Variants in ODAD4 observed in about 807,000 individuals in gnomAD.
The protein encoded by ODAD4 is outer dynein arm-docking complex subunit 4.
Under a neutral mutation model 51.8 loss-of-function variants are expected in ODAD4, and 49 were observed. The observed-to-expected ratio is 0.95, with a 90% confidence interval of 0.75 to 1.20. The LOEUF is 1.20. Ranked by LOEUF, ODAD4 falls within the 50% of genes most tolerant of loss-of-function variation. The pLI, the probability that ODAD4 is intolerant of heterozygous loss-of-function variation, is 0.00. For synonymous variants in ODAD4, 235 were observed against 221.3 expected, an observed-to-expected ratio of 1.06 and a Z score of -0.55; for missense variants, 590 against 586.5, an observed-to-expected ratio of 1.01 and a Z score of -0.06.
chr17:41,930,797 T>G lies in ODAD4; in HGVS notation c.74T>G (p.Leu25Arg). ...SYMAEGERLY[L>R]CGEFSKAAQS... Reference sequence around the variant, plus strand: ...ATGGCCGAAGGCGAGCGGCTCTACCTGTGCGGGGAATTTTCTAAAGCCGCG... The same window carrying G: ...ATGGCCGAAGGCGAGCGGCTCTACCGGTGCGGGGAATTTTCTAAAGCCGCG... Residue 25 changes from leucine to arginine, a missense_variant, in exon 1 of 12, where the codon CTG becomes CGG. Physicochemically the swap from Leu to Arg is moderately radical, Grantham distance 102. Coordinates refer to ENST00000377540, the MANE Select transcript of ODAD4 (RefSeq NM_031421.5). 1 of 1,588,366 alleles carries G rather than the reference T, an allele frequency of 6.3e-7. No homozygotes were observed. Among genetic ancestry groups the G allele is most frequent in the Non-Finnish European group, 8.6e-7 (1 of 1,165,076 alleles).
intron 1 of ODAD4, among the ~76,000 whole-genome samples, chr17:41,931,939 G>GTTGT (rs2144482833): frequency 6.6e-6 from 1 of 151,606 alleles, no homozygotes; most frequent in East Asian, 2.0e-4. Flanking sequence ...TGTTGTTGTT[G>GTTGT]TTTTGGAGAC....
chr17:41,932,172 C>A lies in ODAD4; in HGVS notation c.114+1335C>A, dbSNP rs549827718. Among the ~76,000 whole-genome samples, 9 of 152,086 alleles carry A rather than the reference C, an allele frequency of 5.9e-5. No homozygotes were observed. The East Asian group carries it at 1.2e-3, about 20-fold the overall frequency. On this transcript the variant is annotated intron_variant, in intron 1 of 11. Transcript: ENST00000377540. Reference sequence around the variant, plus strand: ...CCAACCTCCACCTCCCAGGTTCAAGCGATTCTCCTGCCTCAGCCTCCCGAG... The same window carrying A: ...CCAACCTCCACCTCCCAGGTTCAAGAGATTCTCCTGCCTCAGCCTCCCGAG...
At chr17:41,937,299 A>G (rs1478900158) in intron 5 of ODAD4, among the ~76,000 whole-genome samples, 2 of 152,228 alleles carry the variant, frequency 1.3e-5, no homozygotes, top group African/African-American at 4.8e-5. Context: ...TCCAGCGGAT[A>G]TGTGCTTAAA....
At chr17:41,931,089 G>A (rs1326448916) in intron 1 of ODAD4, among the ~76,000 whole-genome samples, 3 of 151,834 alleles carry the variant, frequency 2.0e-5, no homozygotes, top group East Asian at 3.9e-4. Context: ...AGAGATGGGG[G>A]TTTCACTGTG....
At chr17:41,946,131 T>A (rs370159762) in intron 8 of ODAD4, among the ~76,000 whole-genome samples, 49 of 152,176 alleles carry the variant, frequency 3.2e-4, no homozygotes, top group Non-Finnish European at 6.0e-4. Context: ...CATGCATGCT[T>A]ATCTGAGGCT....
rs33985289 is a variant in ODAD4 at position 41,956,485 on chromosome 17, CT to C, written c.1443+1189del. Among the ~76,000 whole-genome samples the C allele has an allele frequency of 1.4e-3, 159 of 110,924 alleles. 1 individual carries two copies. Among genetic ancestry groups the C allele is most frequent in the African/African-American group, 4.3e-3 (130 of 30,028 alleles). The allele number at this position is 110,924 out of a possible 152,430, so 72.8% of individuals were successfully genotyped here. On this transcript the variant is annotated intron_variant, in intron 10 of 11. Coordinates refer to ENST00000377540, the MANE Select transcript of ODAD4 (RefSeq NM_031421.5). ...ACTGGTATGAGCCACCATGCCCGGCCTTTTTTTTTTTTTTTTTTTTTAAATA... is the reference window on the plus strand; with the variant it reads ...ACTGGTATGAGCCACCATGCCCGGCCTTTTTTTTTTTTTTTTTTTTAAATA...
rs1441519752 is a variant in ODAD4, at chr17:41,936,475, CCTT to C, written c.405_407del (p.Ser136del). 6.2e-7 allele frequency: 1 copy of C among 1,612,764 alleles called. No individual in the cohort carries two copies. The highest frequency in any genetic ancestry group is 8.5e-7 in the Non-Finnish European group (1 of 1,179,350). ...AGCTCCAGCTTCTTTCCTTGCAGGT[CCTT>C]CTTCCATTAAGCTGGAGAACAAAGG... is the stretch of plus-strand genomic sequence containing the variant. On this transcript the variant is annotated inframe_deletion, in exon 4 of 12. Transcript: ENST00000377540.
At position 41,936,495 on chromosome 17, in the gene ODAD4, G is replaced by A. The variant is rs2050429155; in HGVS notation, c.420G>A (p.Glu140=). 2.5e-6 allele frequency: 4 copies of A among 1,613,310 alleles called. No individual in the cohort carries two copies. Among genetic ancestry groups the A allele is most frequent in the Non-Finnish European group, 3.4e-6 (4 of 1,179,786 alleles). The change falls in exon 4 of 12, where the codon GAG becomes GAA. Residue 140 remains glutamate (E), a synonymous_variant. Coordinates refer to ENST00000377540, the MANE Select transcript of ODAD4 (RefSeq NM_031421.5). The part of the protein sequence containing the change: ...SVGSPSSIKL[E]NKGDLSFLSK... ...CAGGTCCTTCTTCCATTAAGCTGGA[G>A]AACAAAGGGGACCTCTCCTTCTTAA...
chr17:41,932,576 G>T (rs917769064), intron 1 of ODAD4, among the ~76,000 whole-genome samples: 2 of 151,924 alleles, frequency 1.3e-5, no homozygotes, highest in East Asian at 3.9e-4. Context: ...ACAGGATCTC[G>T]TTCTGTCTCC....
intron 1 of ODAD4, among the ~76,000 whole-genome samples, chr17:41,934,935 T>C (rs2050402851): frequency 6.6e-6 from 1 of 152,188 alleles, no homozygotes; most frequent in Non-Finnish European, 1.5e-5. Flanking sequence ...AGCAGCATAT[T>C]CCTACTCTTC....
chr17:41,946,798 C>T (rs1598081574), intron 8 of ODAD4, among the ~76,000 whole-genome samples: 1 of 152,030 alleles, frequency 6.6e-6, no homozygotes, highest in Non-Finnish European at 1.5e-5. Flanking sequence ...CCTGCCTCAG[C>T]CTCCCAAGTA....
chr17:41,936,338 TA>T (rs2050426131), intron 3 of ODAD4, 134 bp from the exon 4 acceptor site: 2 of 664,362 alleles, frequency 3.0e-6, no homozygotes, highest in Non-Finnish European at 5.4e-6. Flanking sequence ...ATTTGCCTGC[TA>T]GGCTGGCTTA....
chr17:41,954,869 AT>A (rs1206800387), intron 9 of ODAD4, among the ~76,000 whole-genome samples: 1 of 150,130 alleles, frequency 6.7e-6, no homozygotes, highest in South Asian at 2.1e-4. Flanking sequence ...AAAAAAAAAA[AT>A]TCGTCTTCCA....
At chr17:41,944,280 C>T (rs998202347) in intron 7 of ODAD4, among the ~76,000 whole-genome samples, 2 of 152,050 alleles carry the variant, frequency 1.3e-5, no homozygotes, top group East Asian at 1.9e-4. Flanking sequence ...ATGAGAGTCA[C>T]TTGAACCCCG....
chr17:41,953,653 T>TTATATA (rs139916074), intron 9 of ODAD4, among the ~76,000 whole-genome samples: 220 of 148,816 alleles, frequency 1.5e-3, no homozygotes, highest in Non-Finnish European at 2.5e-3. Context: ...ATTAATTTAA[T>TTATATA]TATATATATA....
intron 10 of ODAD4, among the ~76,000 whole-genome samples, chr17:41,960,584 A>T (rs1359485721): frequency 6.6e-6 from 1 of 152,214 alleles, no homozygotes; most frequent in Non-Finnish European, 1.5e-5. Flanking sequence ...AACAAGGAGG[A>T]TCTGAGGTCA....
At chr17:41,960,434 C>T (rs943751448) in intron 10 of ODAD4, among the ~76,000 whole-genome samples, 2 of 144,794 alleles carry the variant, frequency 1.4e-5, no homozygotes, top group African/African-American at 2.6e-5. Context: ...CATGATAGAG[C>T]GAGACTCTGT....
At chr17:41,954,824 T>A (rs1409409197) in intron 9 of ODAD4, among the ~76,000 whole-genome samples, 1 of 143,790 alleles carries the variant, frequency 7.0e-6, no homozygotes, top group African/African-American at 2.6e-5. Context: ...CACTCCAGCC[T>A]GGGCAACAAG....
At chr17:41,955,190 G>A (rs1182461789) in intron 9 of ODAD4, 27 bp from the exon 10 acceptor site, 1 of 763,272 alleles carries the variant, frequency 1.3e-6, no homozygotes, top group Non-Finnish European at 2.4e-6. Flanking sequence ...CTCTACCTGT[G>A]TTGTGCCTTC....
Sources: gnomAD v4.1 joint callset for allele counts (sites outside exome capture counted in the v4.1 genomes callset) on GRCh38, gnomAD v4.1.1 for gene constraint, MANE v1.5 for transcripts, NCBI Gene and HGNC (gene_info 2026-07-23, HGNC 2026-07-21) for gene names.